Variants in CDH18 observed in about 807,000 individuals in gnomAD.
CDH18 encodes the protein cadherin 18, also known as cadherin-18.
A neutral mutation model predicts 67.9 loss-of-function variants in CDH18; 31 were observed. That is an observed-to-expected ratio of 0.46 (90% CI 0.34 to 0.62). The LOEUF (loss-of-function observed/expected upper bound fraction) is 0.62. CDH18 is among the 20% of genes least tolerant of loss of function. The pLI, the probability that CDH18 is intolerant of heterozygous loss-of-function variation, is 0.01. For missense variants in CDH18, 890 were observed against 975.5 expected, an observed-to-expected ratio of 0.91 and a Z score of 1.17; for synonymous variants, 362 against 347.2, an observed-to-expected ratio of 1.04 and a Z score of -0.48.
chr5:20,292,148 A>G (rs1342108285), intron 1 of CDH18, among the ~76,000 whole-genome samples: 1 of 152,232 alleles, frequency 6.6e-6, no homozygotes, highest in East Asian at 1.9e-4. Context: ...ACATGGATGA[A>G]GGCATTCGCT....
chr5:20,073,290 T>C (rs1201434730), intron 2 of CDH18, among the ~76,000 whole-genome samples: 1 of 152,052 alleles, frequency 6.6e-6, no homozygotes, highest in Admixed American at 6.6e-5. Flanking sequence ...TTTTGTTTCA[T>C]TGCTCTTTTC....
intron 4 of CDH18, among the ~76,000 whole-genome samples, chr5:19,733,624 C>A (rs991203129): frequency 1.3e-5 from 2 of 152,118 alleles, no homozygotes; most frequent in Admixed American, 6.5e-5. Context: ...GCCCTCTGAC[C>A]TTGCTGATGG....
chr5:20,379,290 A>G (rs2150097534), intron 1 of CDH18, among the ~76,000 whole-genome samples: 1 of 152,282 alleles, frequency 6.6e-6, no homozygotes, highest in Non-Finnish European at 1.5e-5. Flanking sequence ...GATCTTATAA[A>G]CATAGCCCTT....
intron 2 of CDH18, among the ~76,000 whole-genome samples, chr5:20,055,140 A>C (rs1741796169): frequency 6.6e-6 from 1 of 152,010 alleles, no homozygotes; most frequent in Non-Finnish European, 1.5e-5. Flanking sequence ...TTTATTTTAC[A>C]TGTATTACTA....
At chr5:20,209,059 T>A (rs1429226795) in intron 2 of CDH18, among the ~76,000 whole-genome samples, 1 of 151,972 alleles carries the variant, frequency 6.6e-6, no homozygotes, top group East Asian at 1.9e-4. Flanking sequence ...TATTATCCCA[T>A]TTCAGTTAAA....
At chr5:19,794,490 C>A (rs922793100) in intron 3 of CDH18, among the ~76,000 whole-genome samples, 3 of 152,054 alleles carry the variant, frequency 2.0e-5, no homozygotes, top group African/African-American at 4.8e-5. Context: ...AATGTTGAGA[C>A]AGAAGATAAT....
intron 1 of CDH18, among the ~76,000 whole-genome samples, chr5:20,525,304 T>G (rs1755980551): frequency 6.6e-6 from 1 of 152,096 alleles, no homozygotes; most frequent in Admixed American, 6.6e-5. Context: ...TGATTACCAG[T>G]GCCAGAGCTC....
rs139418735 is a variant in CDH18 at position 19,965,227 on chromosome 5, A to T, written c.-257+15833T>A. On this transcript the variant is annotated intron_variant, in intron 2 of 12. Transcript: ENST00000382275. ...TTAAAAATGCAAGCATAACAATGCC[A>T]TAAGCTATTTTATAAAAACACAAGT... Among the ~76,000 whole-genome samples, 503 of 152,318 alleles carry T rather than the reference A, an allele frequency of 3.3e-3. 2 individuals carry two copies. Among genetic ancestry groups the T allele is most frequent in the Non-Finnish European group, 4.6e-3 (312 of 68,010 alleles).
chr5:20,475,432 A>G (rs58808222), intron 1 of CDH18, among the ~76,000 whole-genome samples: 8,334 of 152,198 alleles, frequency 0.055, 750 homozygotes, highest in African/African-American at 0.19. Flanking sequence ...AACAAAAGCC[A>G]TTGATAGGCA....
intron 6 of CDH18, among the ~76,000 whole-genome samples, chr5:19,597,303 A>T (rs1400051575): frequency 5.9e-5 from 9 of 152,242 alleles, no homozygotes; most frequent in Non-Finnish European, 1.2e-4. Flanking sequence ...CACTCATCTA[A>T]ACCATAGCTA....
rs80138171 is a variant in CDH18 at position 19,553,965 on chromosome 5, C to T, written c.1254-9960G>A. ...TCACCTTTAGCTTAACAAAAAGTCA[C>T]GCACCTGAAGTATAGCTTAGATTCA... On this transcript the variant is annotated intron_variant, in intron 8 of 12. Coordinates refer to ENST00000382275, the MANE Select transcript of CDH18 (RefSeq NM_004934.5). Among the ~76,000 whole-genome samples the T allele has an allele frequency of 5.8e-3, 882 of 152,126 alleles. 9 individuals are homozygous for T. The highest frequency in any genetic ancestry group is 0.02 in the African/African-American group (850 of 41,496).
At chr5:20,025,442 A>C (rs1738811692) in intron 2 of CDH18, among the ~76,000 whole-genome samples, 1 of 152,174 alleles carries the variant, frequency 6.6e-6, no homozygotes, top group Admixed American at 6.5e-5. Flanking sequence ...ATTTCCAATA[A>C]TTCTACTGTT....
At chr5:20,243,884 A>G (rs1344982938) in intron 2 of CDH18, among the ~76,000 whole-genome samples, 2 of 152,078 alleles carry the variant, frequency 1.3e-5, no homozygotes, top group Non-Finnish European at 2.9e-5. Flanking sequence ...ATTATCATAT[A>G]ATGAATGAAT....
At chr5:19,928,241 A>C (rs960657071) in intron 2 of CDH18, among the ~76,000 whole-genome samples, 12 of 152,146 alleles carry the variant, frequency 7.9e-5, no homozygotes, top group African/African-American at 2.4e-4. Flanking sequence ...ATATTATTAA[A>C]ACAGAATTCT....
At position 19,669,571 on chromosome 5, in the gene CDH18, G is replaced by A. The variant is rs116011456; in HGVS notation, c.643+51776C>T. 5.1e-3 allele frequency among the ~76,000 whole-genome samples: 769 copies of A among 152,140 alleles called. 8 individuals carry two copies. The highest frequency in any genetic ancestry group is 0.018 in the African/African-American group (741 of 41,530). ...CTCCCAAAGTGCTGGGATTACAGGC[G>A]TGAGCCACTGCACCCAACCTCTCAT... is the stretch of plus-strand genomic sequence containing the variant. On this transcript the variant is annotated intron_variant, in intron 5 of 12. Transcript: ENST00000382275.
intron 11 of CDH18, among the ~76,000 whole-genome samples, chr5:19,490,362 T>A: frequency 2.0e-5 from 3 of 150,760 alleles, no homozygotes; most frequent in Middle Eastern, 6.9e-3. Flanking sequence ...TTAGTTTTTT[T>A]TATATATGAT....
At chr5:20,332,031 G>A (rs2150027020) in intron 1 of CDH18, among the ~76,000 whole-genome samples, 1 of 152,258 alleles carries the variant, frequency 6.6e-6, no homozygotes, top group East Asian at 1.9e-4. Flanking sequence ...CTGCCTACAA[G>A]TTGTGGCCTG....
intron 1 of CDH18, among the ~76,000 whole-genome samples, chr5:20,502,900 G>A (rs554137183): frequency 3.3e-5 from 5 of 152,150 alleles, no homozygotes; most frequent in Non-Finnish European, 4.4e-5. Context: ...TGTCAGAAAG[G>A]AGCTTAATAG....
chr5:19,487,538 C>T (rs1357807093), intron 11 of CDH18, among the ~76,000 whole-genome samples: 2 of 151,976 alleles, frequency 1.3e-5, no homozygotes, highest in Non-Finnish European at 2.9e-5. Flanking sequence ...ACAAAAGGGC[C>T]CCTGAAAATG....
Sources: gnomAD v4.1 joint callset for allele counts (sites outside exome capture counted in the v4.1 genomes callset) on GRCh38, gnomAD v4.1.1 for gene constraint, MANE v1.5 for transcripts, NCBI Gene and HGNC (gene_info 2026-07-23, HGNC 2026-07-21) for gene names.